Variants in RAD17 observed in about 807,000 individuals in gnomAD.
RAD17 encodes the protein RAD17 checkpoint clamp loader component.
Under a neutral mutation model 81.5 loss-of-function variants are expected in RAD17, and 31 were observed. The ratio of observed to expected loss-of-function variants is 0.38; its 90% CI spans 0.29 to 0.51. The LOEUF is 0.51. Ranked by LOEUF, RAD17 falls within the 20% of genes least tolerant of loss-of-function variation. The pLI is 0.88. For missense variants in RAD17, 681 were observed against 781.2 expected, an observed-to-expected ratio of 0.87 and a Z score of 1.53; for synonymous variants, 261 against 266.2, an observed-to-expected ratio of 0.98 and a Z score of 0.19.
In RAD17 at chr5:69,414,011, C is replaced by T. The variant is rs779383460; in HGVS notation, c.1752-20C>T. ...CTTCTCCTTTGGTTCTTATTAATGC[C>T]TGCACTGTGAATCTGACAGATTGAA... On this transcript the variant is annotated intron_variant, in intron 18 of 18. Coordinates refer to ENST00000354868, the MANE Select transcript of RAD17 (RefSeq NM_133338.3). The T allele has an allele frequency of 6.8e-6, 11 of 1,612,534 alleles. No individual in the cohort carries two copies. Among genetic ancestry groups the T allele is most frequent in the Admixed American group, 5.0e-5 (3 of 59,818 alleles).
chr5:69,383,067 A>C (rs2150804243), intron 7 of RAD17, among the ~76,000 whole-genome samples: 1 of 152,214 alleles, frequency 6.6e-6, no homozygotes, highest in Non-Finnish European at 1.5e-5. Context: ...TATAGGCGTG[A>C]GCTACCATGC....
At chr5:69,374,391 A>T (rs1763209514) in intron 5 of RAD17, among the ~76,000 whole-genome samples, 1 of 152,192 alleles carries the variant, frequency 6.6e-6, no homozygotes, top group Non-Finnish European at 1.5e-5. Context: ...TCTGAATTTT[A>T]AAAAATGTTA....
At chr5:69,410,375 G>A (rs376242022) in intron 17 of RAD17, 118 bp from the exon 18 acceptor site, 1 of 722,440 alleles carries the variant, frequency 1.4e-6, no homozygotes, top group Non-Finnish European at 2.3e-6. Flanking sequence ...ATCTCACTAT[G>A]GCTTGGATTT....
intron 17 of RAD17, among the ~76,000 whole-genome samples, chr5:69,402,517 C>T (rs1765337301): frequency 1.3e-5 from 2 of 151,746 alleles, no homozygotes; most frequent in Admixed American, 1.3e-4. Context: ...CAGCCGGGCA[C>T]GGTGGCAGGT....
chr5:69,378,724 A>G (rs1467981341), intron 6 of RAD17, among the ~76,000 whole-genome samples: 1 of 152,220 alleles, frequency 6.6e-6, no homozygotes, highest in African/African-American at 2.4e-5. Flanking sequence ...GCTTCAATTA[A>G]TGATGGGGAT....
At chr5:69,411,789 C>T (rs1766021584) in intron 18 of RAD17, among the ~76,000 whole-genome samples, 1 of 152,162 alleles carries the variant, frequency 6.6e-6, no homozygotes, top group African/African-American at 2.4e-5. Flanking sequence ...CTCTCCCCAA[C>T]CCCCTAAGAT....
At chr5:69,369,386 C>G (rs1762743161), upstream of RAD17, 6 of 1,540,446 alleles carry the variant, frequency 3.9e-6, no homozygotes, top group Non-Finnish European at 5.3e-6. Context: ...GGGGCCCCCA[C>G]CTGGGCGCCC....
At chr5:69,400,197 T>G (rs574481221) in intron 17 of RAD17, 28 bp downstream of exon 17, 1 of 1,191,364 alleles carries the variant, frequency 8.4e-7, no homozygotes, top group South Asian at 1.9e-5. Flanking sequence ...TCTTTTCTTT[T>G]AAGAAGTAGG....
At chr5:69,384,954 C>CA in intron 8 of RAD17, 21 bp downstream of exon 8, 2 of 1,278,274 alleles carry the variant, frequency 1.6e-6, no homozygotes, top group South Asian at 1.5e-5. Context: ...CTTTTAAAAT[C>CA]TTTTTTTTTT....
intron 12 of RAD17, among the ~76,000 whole-genome samples, chr5:69,389,667 G>A (rs1034609368): frequency 5.3e-5 from 8 of 152,236 alleles, no homozygotes; most frequent in African/African-American, 1.7e-4. Context: ...TTGAGACGGA[G>A]TCTCGCTCTG....
Position 69,372,138 on chromosome 5 carries a change from C to A in RAD17, c.-71C>A. On this transcript the variant is annotated 5_prime_UTR_variant, in exon 4 of 19. Coordinates refer to ENST00000354868, the MANE Select transcript of RAD17 (RefSeq NM_133338.3). Reference sequence around the variant, plus strand: ...GTTTTACTATAATGAAAGATATTTTCATACTCTCAAAAATATAGAGGAAAG... The same window carrying A: ...GTTTTACTATAATGAAAGATATTTTAATACTCTCAAAAATATAGAGGAAAG... 1 of 1,538,046 alleles carries A rather than the reference C, an allele frequency of 6.5e-7. No homozygotes were observed. Among genetic ancestry groups the A allele is most frequent in the Non-Finnish European group, 8.8e-7 (1 of 1,132,130 alleles).
intron 6 of RAD17, among the ~76,000 whole-genome samples, chr5:69,375,057 A>T (rs1763250839): frequency 6.6e-6 from 1 of 152,184 alleles, no homozygotes; most frequent in African/African-American, 2.4e-5. Context: ...TGGAAGCTGC[A>T]GTGAGCTGTG....
At chr5:69,403,070 C>T (rs1027450418) in intron 17 of RAD17, among the ~76,000 whole-genome samples, 6 of 152,124 alleles carry the variant, frequency 3.9e-5, no homozygotes, top group African/African-American at 1.4e-4. Flanking sequence ...AACTGCTGGC[C>T]TCAAGCAATC....
chr5:69,396,074 A>G (rs1764867310), intron 15 of RAD17, among the ~76,000 whole-genome samples: 1 of 152,190 alleles, frequency 6.6e-6, no homozygotes, highest in Non-Finnish European at 1.5e-5. Flanking sequence ...AATTAAGTTA[A>G]CTTTCCAGAG....
In RAD17 at chr5:69,414,164, A is replaced by T; in HGVS notation, c.1885A>T (p.Thr629Ser). 3.7e-6 allele frequency: 6 copies of T among 1,614,236 alleles called. No individual in the cohort carries two copies. The highest frequency in any genetic ancestry group is 5.1e-6 in the Non-Finnish European group (6 of 1,180,050). ...GEPTQATVPE[T>S]WSLPLSQNSA... ...ACCCACTCAAGCCACTGTGCCGGAA[A>T]CCTGGTCTCTTCCTTTGAGTCAGAA... Residue 629 changes from threonine to serine, a missense_variant, in exon 19 of 19, where the codon ACC (threonine) becomes TCC (serine). Physicochemically the swap from Thr to Ser is moderately conservative, Grantham distance 58 (BLOSUM62 1). Transcript: ENST00000354868.
At position 69,414,364 on chromosome 5, in the gene RAD17, T is replaced by G; in HGVS notation, c.*72T>G. On this transcript the variant is annotated 3_prime_UTR_variant, in exon 19 of 19. Coordinates refer to ENST00000354868, the MANE Select transcript of RAD17 (RefSeq NM_133338.3). ...TTCATTCAGTGGTACTTCAGCAGAG[T>G]TAATATGCTTTTCTGATGAATTACA... is the stretch of plus-strand genomic sequence containing the variant. 1 of 1,462,238 alleles carries G rather than the reference T, an allele frequency of 6.8e-7. No homozygotes were observed. Among genetic ancestry groups the G allele is most frequent in the South Asian group, 1.2e-5 (1 of 80,742 alleles). The allele number at this position is 1,462,238 out of a possible 1,614,324, so 90.6% of individuals were successfully genotyped here. A position where few individuals can be genotyped will look rare whatever the true frequency, so the allele number is the denominator to read the frequency against.
chr5:69,378,616 T>G (rs1439148121), intron 6 of RAD17, among the ~76,000 whole-genome samples: 3 of 152,162 alleles, frequency 2.0e-5, no homozygotes, highest in Non-Finnish European at 4.4e-5. Flanking sequence ...CTAAATTAGG[T>G]TTTTGCAAAC....
At position 69,391,946 on chromosome 5, in the gene RAD17, A is replaced by G. The variant is rs1455012035; in HGVS notation, c.1122A>G (p.Gln374=). ...GGGTTTTTGAAAATCAAGAGGTCCA[A>G]GCTATTGGTGGCAAAGATGTTTCTC... ...PDRVFENQEV[Q]AIGGKDVSLF... is the part of the protein sequence containing the mutation. Residue 374 remains glutamine (Q), a synonymous_variant, in exon 13 of 19, where the codon CAA becomes CAG. Coordinates refer to ENST00000354868, the MANE Select transcript of RAD17 (RefSeq NM_133338.3). 3.1e-6 allele frequency: 5 copies of G among 1,592,060 alleles called. No individual in the cohort carries two copies. The highest frequency in any genetic ancestry group is 3.7e-5 in the Admixed American group (2 of 54,114).
At position 69,371,545 on chromosome 5, in the gene RAD17, A is replaced by G. The variant is rs767551306; in HGVS notation, c.-188A>G. 1.4e-6 allele frequency: 2 copies of G among 1,456,876 alleles called. No individual in the cohort carries two copies. Among genetic ancestry groups the G allele is most frequent in the East Asian group, 5.0e-5 (2 of 40,228 alleles). The allele number at this position is 1,456,876 out of a possible 1,614,324, so 90.2% of individuals were successfully genotyped here. A position where few individuals can be genotyped will look rare whatever the true frequency, so the allele number is the denominator to read the frequency against. On this transcript the variant is annotated 5_prime_UTR_variant, in exon 3 of 19. Coordinates refer to ENST00000354868, the MANE Select transcript of RAD17 (RefSeq NM_133338.3). ...CAAAAACTTTTCTTAGACCAAAGGT[A>G]TCTTCCACAAAGGTATGATACACTG...
Sources: gnomAD v4.1 joint callset for allele counts (sites outside exome capture counted in the v4.1 genomes callset) on GRCh38, gnomAD v4.1.1 for gene constraint, MANE v1.5 for transcripts, NCBI Gene and HGNC (gene_info 2026-07-23, HGNC 2026-07-21) for gene names.